WDR54: variants seen among roughly 807,000 people sequenced by gnomAD.
The protein encoded by WDR54 is WD repeat domain 54, also known as WD repeat-containing protein 54.
In WDR54, 44 loss-of-function variants were observed where a neutral mutation model predicts 44.1. That is an observed-to-expected ratio of 1.00 (90% CI 0.78 to 1.28). The LOEUF (loss-of-function observed/expected upper bound fraction) is 1.28. WDR54 is among the 50% of genes most tolerant of loss of function. WDR54 has a pLI of 0.00. For missense variants in WDR54, 409 were observed against 429.7 expected (o/e 0.95, Z 0.43); for synonymous variants, 169 against 169.8 (o/e 1.00, Z 0.04).
chr2:74,425,147 A>G lies in WDR54; in HGVS notation c.708A>G (p.Leu236=), dbSNP rs543251654. The G allele has an allele frequency of 2.4e-5, 38 of 1,558,734 alleles. No homozygotes were observed. In the Admixed American group the frequency reaches 2.8e-4, roughly 12 times the overall value. Residue 236 remains leucine (L), a synonymous_variant, in exon 8 of 10, where the codon CTA becomes CTG. Transcript: ENST00000348227. Reference sequence around the variant, plus strand: ...GCTATGGGAACGGACAAGTGCATCTATATGAGGCCACTACAGGAAATCTAC... The same window carrying G: ...GCTATGGGAACGGACAAGTGCATCTGTATGAGGCCACTACAGGAAATCTAC... ...AAGYGNGQVH[L]YEATTGNLHV... is the part of the protein sequence containing the mutation.
chr2:74,424,841 G>A, intron 6 of WDR54, 34 bp from the exon 7 acceptor site: 1 of 1,612,676 alleles, frequency 6.2e-7, no homozygotes, highest in South Asian at 1.1e-5. Flanking sequence ...TAGCAGGGGA[G>A]AAAGGGAAGG....
At chr2:74,425,516 T>C in intron 9 of WDR54, 25 bp downstream of exon 9, 1 of 1,613,998 alleles carries the variant, frequency 6.2e-7, no homozygotes, top group Non-Finnish European at 8.5e-7. Context: ...GTGGGTGGAA[T>C]GGGGGGGCCC....
At position 74,425,470 on chromosome 2, in the gene WDR54, C is replaced by T. The variant is rs550064902; in HGVS notation, c.852C>T (p.Asn284=). 6.2e-6 allele frequency: 10 copies of T among 1,614,206 alleles called. No individual in the cohort carries two copies. The highest frequency in any genetic ancestry group is 8.5e-6 in the Non-Finnish European group (10 of 1,180,028). ...TGCATATCTGGAAGCTGAGCAGAAACCCAGAGAGTGGCTACATTGAGGTAT... is the reference window on the plus strand; with the variant it reads ...TGCATATCTGGAAGCTGAGCAGAAATCCAGAGAGTGGCTACATTGAGGTAT... ...TFVHIWKLSR[N]PESGYIEVEH... is the part of the protein sequence containing the mutation. Residue 284 remains asparagine, a synonymous_variant, in exon 9 of 10, where the codon AAC becomes AAT. Coordinates refer to ENST00000348227, the MANE Select transcript of WDR54 (RefSeq NM_032118.4).
At chr2:74,424,039 C>T (rs1207339532) in intron 6 of WDR54, 57 bp downstream of exon 6, 1 of 1,607,176 alleles carries the variant, frequency 6.2e-7, no homozygotes, top group East Asian at 2.2e-5. Flanking sequence ...AGGCAGGGGA[C>T]CTGGCTTTGA....
rs1336997713 is a variant in WDR54, at chr2:74,425,656, G to C, written c.960G>C (p.Val320=). The C allele has an allele frequency of 6.2e-7, 1 of 1,614,222 alleles. No homozygotes were observed. Residue 320 remains valine, a synonymous_variant, in exon 10 of 10, where the codon GTG becomes GTC. Coordinates refer to ENST00000348227, the MANE Select transcript of WDR54 (RefSeq NM_032118.4). ...ATTCCTCAGGCAACTCCTTTGCTGT[G>C]ACTGGCTATGACCTTGCGGAGATCC... ...FCDSSGNSFA[V]TGYDLAEIRR... is the part of the protein sequence containing the mutation.
At chr2:74,422,533 G>GC (rs1285193910) in intron 2 of WDR54, 158 bp downstream of exon 2, 2 of 904,234 alleles carry the variant, frequency 2.2e-6, no homozygotes, top group Non-Finnish European at 3.3e-6. Context: ...GGTGGCTCAC[G>GC]CCTGTAATCC....
In WDR54 at chr2:74,423,465, C is replaced by G; in HGVS notation, c.353-13C>G. The G allele has an allele frequency of 6.2e-7, 1 of 1,613,934 alleles. No individual in the cohort carries two copies. The highest frequency in any genetic ancestry group is 8.5e-7 in the Non-Finnish European group (1 of 1,179,830). ...AGGGGATATTTCTGATCATTCTCCC[C>G]TTTCATATTCAGTACAGGCTGTGTT... On this transcript the variant is annotated splice_polypyrimidine_tract_variant and intron_variant, in intron 4 of 9. Transcript: ENST00000348227.
At position 74,422,257 on chromosome 2, in the gene WDR54, G is replaced by C; in HGVS notation, c.104G>C (p.Gly35Ala). 1 of 1,614,194 alleles carries C rather than the reference G, an allele frequency of 6.2e-7. No individual in the cohort carries two copies. Among genetic ancestry groups the C allele is most frequent in the Non-Finnish European group, 8.5e-7 (1 of 1,180,036 alleles). ...CCGGCTCGCAACCTCACGTATTTTG[G>C]CGTGGTTCATGGACCAAGCGCCCAG... ...QLPARNLTYF[G>A]VVHGPSAQLL... The change falls in exon 2 of 10, where the codon GGC becomes GCC. Residue 35 changes from glycine to alanine, a missense_variant. Transcript: ENST00000348227.
intron 6 of WDR54, 131 bp from the exon 7 acceptor site, chr2:74,424,744 G>C: frequency 8.9e-7 from 1 of 1,122,968 alleles, no homozygotes; most frequent in Middle Eastern, 2.7e-4. Context: ...GGTCTAGCTA[G>C]TGAGAGCTCC....
chr2:74,422,432 C>T (rs1389888553), intron 2 of WDR54, 57 bp downstream of exon 2: 3 of 1,529,898 alleles, frequency 2.0e-6, no homozygotes, highest in African/African-American at 1.4e-5. Flanking sequence ...CCAGCCTTTT[C>T]TCTCCAAACC....
In WDR54 at chr2:74,425,137, A is replaced by T. The variant is rs777536116; in HGVS notation, c.698A>T (p.Gln233Leu). 2 of 1,566,568 alleles carry T rather than the reference A, an allele frequency of 1.3e-6. No individual in the cohort carries two copies. Among genetic ancestry groups the T allele is most frequent in the South Asian group, 2.4e-5 (2 of 82,728 alleles). Residue 233 changes from glutamine (Q) to leucine (L), a missense_variant, in exon 8 of 10, where the codon CAA becomes CTA. Physicochemically the swap from Gln to Leu is moderately radical, Grantham distance 113. Coordinates refer to ENST00000348227, the MANE Select transcript of WDR54 (RefSeq NM_032118.4). ...ATAGCAGCAGGCTATGGGAACGGAC[A>T]AGTGCATCTATATGAGGCCACTACA... ...GIIAAGYGNG[Q>L]VHLYEATTGN...
intron 1 of WDR54, 152 bp downstream of exon 1, chr2:74,421,968 C>T (rs1573220158): frequency 3.1e-6 from 2 of 643,018 alleles, no homozygotes; most frequent in East Asian, 5.5e-5. Flanking sequence ...CCCCGTCGCC[C>T]CAAAACAGCC....
intron 3 of WDR54, 29 bp downstream of exon 3, chr2:74,422,961 A>G (rs562387940): frequency 6.2e-7 from 1 of 1,611,930 alleles, no homozygotes; most frequent in South Asian, 1.1e-5. Flanking sequence ...TGCTTGCCCC[A>G]CCAGAGCCTT....
intron 2 of WDR54, 80 bp downstream of exon 2, chr2:74,422,455 C>G: frequency 1.4e-6 from 2 of 1,441,716 alleles, no homozygotes; most frequent in East Asian, 5.0e-5. Context: ...CAGGAGCAGG[C>G]ATGTCCTAAC....
intron 5 of WDR54, 21 bp downstream of exon 5, chr2:74,423,552 G>A (rs764281507): frequency 6.2e-6 from 10 of 1,613,300 alleles, no homozygotes; most frequent in African/African-American, 5.3e-5. Context: ...CAAGTGCAGG[G>A]CATGGAGGGG....
At position 74,423,340 on chromosome 2, in the gene WDR54, A is replaced by G; in HGVS notation, c.307A>G (p.Thr103Ala). ...CCAGATGTACGAGTCCAATGGCTAC[A>G]CCATGGTCTACTGGCATGCACTGGA... The part of the protein sequence containing the change: ...GIQMYESNGY[T>A]MVYWHALDSG... Residue 103 changes from threonine (T) to alanine (A), a missense_variant, in exon 4 of 10, where the codon ACC becomes GCC. Physicochemically the swap from Thr to Ala is moderately conservative, Grantham distance 58 (BLOSUM62 0). Transcript: ENST00000348227. The G allele has an allele frequency of 6.2e-7, 1 of 1,613,992 alleles. No individual in the cohort carries two copies. The highest frequency in any genetic ancestry group is 8.5e-7 in the Non-Finnish European group (1 of 1,180,050).
Position 74,423,311 on chromosome 2 carries a change from T to C in WDR54, c.286-8T>C. ...TTATGCCCCCTGGTTCTTGCCCCGGTCTTCCAGATGTACGAGTCCAATGGC... is the reference window on the plus strand; with the variant it reads ...TTATGCCCCCTGGTTCTTGCCCCGGCCTTCCAGATGTACGAGTCCAATGGC... On this transcript the variant is annotated splice_region_variant and splice_polypyrimidine_tract_variant and intron_variant, in intron 3 of 9. Transcript: ENST00000348227. 6.2e-7 allele frequency: 1 copy of C among 1,613,244 alleles called. No individual in the cohort carries two copies. The highest frequency in any genetic ancestry group is 8.5e-7 in the Non-Finnish European group (1 of 1,180,038).
Position 74,423,966 on chromosome 2 carries a change from A to G in WDR54, c.518A>G (p.Glu173Gly). Residue 173 changes from glutamate to glycine, a missense_variant, in exon 6 of 10, where the codon GAG (glutamate) becomes GGG (glycine). Transcript: ENST00000348227. ...HQMPITDIAT[E>G]PAQGQDCVAD... ...ATGCCAATCACAGACATTGCCACCG[A>G]GCCTGCCCAGGGACAGGTGAGTGGA... The G allele has an allele frequency of 6.2e-7, 1 of 1,614,134 alleles. No individual in the cohort carries two copies. Among genetic ancestry groups the G allele is most frequent in the Non-Finnish European group, 8.5e-7 (1 of 1,180,018 alleles).
In WDR54 at chr2:74,423,533, T is replaced by A; in HGVS notation, c.406+2T>A. The A allele has an allele frequency of 1.9e-6, 3 of 1,613,428 alleles. No homozygotes were observed. The highest frequency in any genetic ancestry group is 2.5e-6 in the Non-Finnish European group (3 of 1,179,720). On this transcript the variant is annotated splice_donor_variant, in intron 5 of 9. Coordinates refer to ENST00000348227, the MANE Select transcript of WDR54 (RefSeq NM_032118.4). LOFTEE classifies it high-confidence loss of function. Reference sequence around the variant, plus strand: ...CCAGTGGCCACTTCATCTGTGTGGGTGAGGGAGCCAAGTGCAGGGCATGGA... The same window carrying A: ...CCAGTGGCCACTTCATCTGTGTGGGAGAGGGAGCCAAGTGCAGGGCATGGA...
Sources: gnomAD v4.1 joint callset for allele counts on GRCh38, gnomAD v4.1.1 for gene constraint, MANE v1.5 for transcripts, NCBI Gene and HGNC (gene_info 2026-07-23, HGNC 2026-07-21) for gene names.